ARMC2: variants seen among roughly 807,000 people sequenced by gnomAD.
ARMC2 encodes the protein armadillo repeat-containing protein 2.
Under a neutral mutation model 90.3 loss-of-function variants are expected in ARMC2, and 67 were observed. The observed-to-expected ratio is 0.74, with a 90% confidence interval of 0.61 to 0.91. The LOEUF (loss-of-function observed/expected upper bound fraction) is 0.91. ARMC2 is among the 40% of genes least tolerant of loss of function. The pLI is 0.00. For synonymous variants in ARMC2, 393 were observed against 393.0 expected (o/e 1.00, Z 0.00); for missense variants, 920 against 1,030.9 (o/e 0.89, Z 1.47).
the ARMC2 span, among the ~76,000 whole-genome samples, chr6:109,003,745 C>G: frequency 2.0e-5 from 3 of 152,088 alleles, no homozygotes; most frequent in Admixed American, 6.5e-5. Flanking sequence ...CAGAGGACAT[C>G]CCTGTTATTC....
At chr6:108,884,525 G>A (rs1364074988) in intron 5 of ARMC2, among the ~76,000 whole-genome samples, 1 of 152,166 alleles carries the variant, frequency 6.6e-6, no homozygotes, top group Non-Finnish European at 1.5e-5. Flanking sequence ...GTTGGGATTT[G>A]GGGGTGCATT....
At position 108,907,467 on chromosome 6, in the gene ARMC2, T is replaced by C. The variant is rs1000278147; in HGVS notation, c.1023+3062T>C. The C allele has an allele frequency of 2.4e-5, 12 of 503,148 alleles. No individual in the cohort carries two copies. In the African/African-American group the frequency reaches 2.5e-4, roughly 10 times the overall value. The allele number at this position is 503,148 out of a possible 1,614,324, so 31.2% of individuals were successfully genotyped here. On this transcript the variant is annotated intron_variant, in intron 8 of 17. Transcript: ENST00000392644. The stretch of plus-strand genomic sequence containing the variant: ...TCTGTTTTCTTTCTTTCTTTTTTTT[T>C]TTTTTTTTTTACCAGTCATCTTTTA...
At chr6:108,970,110 CA>C (rs1778660765) in intron 17 of ARMC2, among the ~76,000 whole-genome samples, 2 of 152,088 alleles carry the variant, frequency 1.3e-5, no homozygotes, top group Admixed American at 1.3e-4. Context: ...GTACAAGTTC[CA>C]AAATTTAATA....
intron 10 of ARMC2, among the ~76,000 whole-genome samples, chr6:108,922,690 G>A (rs1281987330): frequency 6.6e-6 from 1 of 152,120 alleles, no homozygotes; most frequent in Non-Finnish European, 1.5e-5. Flanking sequence ...AAACTTTGAG[G>A]CTTACATAAT....
intron 10 of ARMC2, among the ~76,000 whole-genome samples, chr6:108,915,337 CT>C (rs1167170131): frequency 6.6e-6 from 1 of 152,084 alleles, no homozygotes; most frequent in Non-Finnish European, 1.5e-5. Flanking sequence ...AAAATAATGT[CT>C]GCCAGCCAGA....
the ARMC2 span, among the ~76,000 whole-genome samples, chr6:109,052,398 G>C: frequency 6.6e-6 from 1 of 152,056 alleles, no homozygotes; most frequent in East Asian, 1.9e-4. Flanking sequence ...GATTAAAATT[G>C]ATCATAATCC....
chr6:108,944,044 C>T (rs1164593893), intron 12 of ARMC2, among the ~76,000 whole-genome samples: 1 of 152,110 alleles, frequency 6.6e-6, no homozygotes, highest in African/African-American at 2.4e-5. Flanking sequence ...GGTTTTGAGA[C>T]CCTATGGTTT....
rs1470805944 is a variant in ARMC2 at position 108,901,140 on chromosome 6, C to CAGAG, written c.847+1350_847+1351insAGAG. ...TTTTTTTTTTTTTTTTTTTTTGAGA[C>CAGAG]AGTCGCTCTGTCACTCAGGCTGGAG... On this transcript the variant is annotated intron_variant, in intron 7 of 17. Transcript: ENST00000392644. Among the ~76,000 whole-genome samples, 359 of 79,064 alleles carry CAGAG rather than the reference C, an allele frequency of 4.5e-3. 2 individuals are homozygous for CAGAG. The highest frequency in any genetic ancestry group is 0.016 in the African/African-American group (332 of 20,512). 51.9% of individuals were successfully genotyped at this position (79,064 alleles called of 152,430 possible).
chr6:109,027,265 G>A, the ARMC2 span, among the ~76,000 whole-genome samples: 1 of 151,886 alleles, frequency 6.6e-6, no homozygotes, highest in African/African-American at 2.4e-5. Flanking sequence ...CTGAGGTCAG[G>A]AGTTCGAGAC....
chr6:108,936,835 A>G, intron 11 of ARMC2, 65 bp from the exon 12 acceptor site: 2 of 1,277,596 alleles, frequency 1.6e-6, no homozygotes, highest in Non-Finnish European at 2.2e-6. Context: ...AAGTGATACT[A>G]TGTGTACTTG....
At chr6:108,903,691 C>A (rs920519030) in intron 7 of ARMC2, among the ~76,000 whole-genome samples, 1 of 152,178 alleles carries the variant, frequency 6.6e-6, no homozygotes, top group African/African-American at 2.4e-5. Flanking sequence ...ACAACACACA[C>A]ATACGTACAT....
chr6:108,872,464 T>G (rs1035573515), intron 4 of ARMC2, among the ~76,000 whole-genome samples: 2 of 152,190 alleles, frequency 1.3e-5, no homozygotes, highest in African/African-American at 4.8e-5. Flanking sequence ...ACCACCGCCA[T>G]GCTGCCTCCA....
chr6:108,886,933 C>A (rs1261826927), intron 5 of ARMC2, among the ~76,000 whole-genome samples: 1 of 150,908 alleles, frequency 6.6e-6, no homozygotes, highest in African/African-American at 2.4e-5. Flanking sequence ...CAGAGCCTCA[C>A]TCTGTTGCCC....
chr6:109,021,975 A>T, the ARMC2 span, among the ~76,000 whole-genome samples: 1 of 152,148 alleles, frequency 6.6e-6, no homozygotes, highest in Admixed American at 6.5e-5. Flanking sequence ...AAATTTATAT[A>T]TGTGGATATA....
the ARMC2 span, among the ~76,000 whole-genome samples, chr6:109,050,319 C>G: frequency 6.6e-6 from 1 of 151,064 alleles, no homozygotes; most frequent in Non-Finnish European, 1.5e-5. Context: ...TCAAAACATT[C>G]AGCGGCTAGA....
the ARMC2 span, among the ~76,000 whole-genome samples, chr6:109,027,166 T>C: frequency 6.6e-6 from 1 of 151,532 alleles, no homozygotes; most frequent in Non-Finnish European, 1.5e-5. Flanking sequence ...AAAGATTCTG[T>C]CTAAAAAACA....
the ARMC2 span, among the ~76,000 whole-genome samples, chr6:109,050,580 C>T: frequency 6.6e-6 from 1 of 152,112 alleles, no homozygotes; most frequent in Non-Finnish European, 1.5e-5. Flanking sequence ...GGCAGGCAAA[C>T]ATCAAAGCAG....
the ARMC2 span, among the ~76,000 whole-genome samples, chr6:109,050,536 TCTGAAAGACTGATGAAATTAGCTTC>T: frequency 6.6e-6 from 1 of 152,150 alleles, no homozygotes; most frequent in South Asian, 2.1e-4. Context: ...GTTGGACTGG[TCTGAAAGACTGATGAAATTAGCTTC>T]CTAAGAGAGG....
chr6:108,889,656 TCTTGAACTC>T (rs1165688437), intron 5 of ARMC2, among the ~76,000 whole-genome samples: 1 of 151,406 alleles, frequency 6.6e-6, no homozygotes, highest in Non-Finnish European at 1.5e-5. Flanking sequence ...CCCAGGCTGG[TCTTGAACTC>T]CTTGAACTCC....
Sources: allele counts gnomAD v4.1 joint callset (sites outside exome capture counted in the v4.1 genomes callset), GRCh38; gene constraint gnomAD v4.1.1; transcripts MANE v1.5; gene names NCBI Gene and HGNC (gene_info 2026-07-23, HGNC 2026-07-21).